TMEM131L: variants seen among roughly 807,000 people sequenced by gnomAD.
TMEM131L encodes transmembrane protein 131-like.
In TMEM131L, 54 loss-of-function variants were observed where a neutral mutation model predicts 192.2. The ratio of observed to expected loss-of-function variants is 0.28; its 90% confidence interval spans 0.23 to 0.35. The LOEUF is 0.35. Ranked by LOEUF, TMEM131L falls within the 10% of genes least tolerant of loss-of-function variation. TMEM131L has a pLI of 1.00. For missense variants in TMEM131L, 1,888 were observed against 1,972.9 expected (o/e 0.96, Z 0.82); for synonymous variants, 701 against 704.9 (o/e 0.99, Z 0.09).
rs141370539 is a variant in TMEM131L at position 153,516,792 on chromosome 4, G to C, written c.240-33281G>C. Reference sequence around the variant, plus strand: ...ACGAGCCTCCCAGCACTAGGTACCAGTACTTTTTGTTCATCTTTTAAATTT... The same window carrying C: ...ACGAGCCTCCCAGCACTAGGTACCACTACTTTTTGTTCATCTTTTAAATTT... On this transcript the variant is annotated intron_variant, in intron 3 of 34. Transcript: ENST00000409959. Among the ~76,000 whole-genome samples, 602 of 152,130 alleles carry C rather than the reference G, an allele frequency of 4.0e-3. 6 individuals carry two copies. Among genetic ancestry groups the C allele is most frequent in the African/African-American group, 0.014 (582 of 41,506 alleles).
chr4:153,470,870 A>C (rs540499135), intron 2 of TMEM131L, among the ~76,000 whole-genome samples: 40 of 152,200 alleles, frequency 2.6e-4, no homozygotes, highest in Non-Finnish European at 4.7e-4. Flanking sequence ...GAATTAATGA[A>C]TGCAACAGCC....
At chr4:153,536,782 A>G (rs1356104799) in intron 3 of TMEM131L, among the ~76,000 whole-genome samples, 1 of 143,532 alleles carries the variant, frequency 7.0e-6, no homozygotes, top group Non-Finnish European at 1.5e-5. Context: ...ACAAAGTATT[A>G]AACTCACCCG....
At chr4:153,484,771 G>A (rs1732197395) in intron 3 of TMEM131L, among the ~76,000 whole-genome samples, 1 of 146,260 alleles carries the variant, frequency 6.8e-6, no homozygotes, top group African/African-American at 2.5e-5. Flanking sequence ...CCCGGCCATA[G>A]GGATGTAGTT....
At chr4:153,478,563 C>T (rs949804622) in intron 3 of TMEM131L, among the ~76,000 whole-genome samples, 15 of 152,128 alleles carry the variant, frequency 9.9e-5, no homozygotes, top group Non-Finnish European at 2.1e-4. Context: ...GAGCTAAACT[C>T]CACACTTTAT....
intron 3 of TMEM131L, among the ~76,000 whole-genome samples, chr4:153,511,165 T>G (rs1225864444): frequency 1.3e-5 from 2 of 152,160 alleles, no homozygotes; most frequent in African/African-American, 4.8e-5. Flanking sequence ...TGTTCTATCA[T>G]AAAGACACAT....
intron 32 of TMEM131L, among the ~76,000 whole-genome samples, chr4:153,633,604 C>CT (rs1734375359): frequency 6.6e-6 from 1 of 152,026 alleles, no homozygotes; most frequent in Non-Finnish European, 1.5e-5. Flanking sequence ...CTCAAATTTG[C>CT]TATTTGACAT....
Position 153,585,450 on chromosome 4 carries a change from G to T in TMEM131L, c.1158-8G>T, listed in dbSNP as rs759166092. On this transcript the variant is annotated splice_polypyrimidine_tract_variant and splice_region_variant and intron_variant, in intron 12 of 34. Transcript: ENST00000409959. Reference sequence around the variant, plus strand: ...AGGCCTGATAGCATGCATGTCGTCTGTTCACAGGTATTTTAGAATGGACTC... The same window carrying T: ...AGGCCTGATAGCATGCATGTCGTCTTTTCACAGGTATTTTAGAATGGACTC... The T allele has an allele frequency of 6.2e-7, 1 of 1,613,460 alleles. No homozygotes were observed. Among genetic ancestry groups the T allele is most frequent in the Non-Finnish European group, 8.5e-7 (1 of 1,179,728 alleles).
chr4:153,583,637 C>T lies in TMEM131L; in HGVS notation c.1025C>T (p.Thr342Ile). The change falls in exon 11 of 35, where the codon ACA becomes ATA. Residue 342 changes from threonine (T) to isoleucine (I), a missense_variant. Coordinates refer to ENST00000409959, the MANE Select transcript of TMEM131L (RefSeq NM_001131007.2). ...FEPVLLPTSTTNFTKIASFTC... is the reference protein window; with the variant it reads ...FEPVLLPTSTINFTKIASFTC... ...CCAGTACTACTACCTACTTCTACAA[C>T]AAACTTTACAAAAATTGCTTCTTTT... 1.2e-6 allele frequency: 2 copies of T among 1,606,256 alleles called. No individual in the cohort carries two copies. The highest frequency in any genetic ancestry group is 1.7e-6 in the Non-Finnish European group (2 of 1,176,994).
intron 31 of TMEM131L, among the ~76,000 whole-genome samples, chr4:153,629,684 C>T (rs1195413913): frequency 6.6e-6 from 1 of 152,158 alleles, no homozygotes; most frequent in Non-Finnish European, 1.5e-5. Flanking sequence ...GTCGGGGTCC[C>T]TGGTGATTTG....
chr4:153,500,741 C>G (rs1476448086), intron 3 of TMEM131L, among the ~76,000 whole-genome samples: 1 of 152,124 alleles, frequency 6.6e-6, no homozygotes, highest in Non-Finnish European at 1.5e-5. Flanking sequence ...CCTTGTTAAG[C>G]TTTATCTGGA....
intron 3 of TMEM131L, among the ~76,000 whole-genome samples, chr4:153,521,992 A>G (rs1287720562): frequency 6.6e-6 from 1 of 151,760 alleles, no homozygotes; most frequent in Non-Finnish European, 1.5e-5. Flanking sequence ...AACTTTTGTT[A>G]TTTTGGTGTA....
intron 3 of TMEM131L, among the ~76,000 whole-genome samples, chr4:153,484,855 C>G (rs1223809721): frequency 6.8e-6 from 1 of 148,026 alleles, no homozygotes; most frequent in Non-Finnish European, 1.5e-5. Context: ...TGCAGTGGCT[C>G]ACGCCTGTAA....
intron 3 of TMEM131L, among the ~76,000 whole-genome samples, chr4:153,531,243 C>T (rs959719759): frequency 3.9e-5 from 6 of 152,138 alleles, no homozygotes; most frequent in African/African-American, 7.2e-5. Flanking sequence ...AATTCTGATA[C>T]GGGGGAAGTG....
In TMEM131L at chr4:153,603,466, T is replaced by C. The variant is rs187859842; in HGVS notation, c.2789+14T>C. 3.8e-3 allele frequency: 6,170 copies of C among 1,610,848 alleles called. 53 individuals carry two copies. The highest frequency in any genetic ancestry group is 3.2e-3 in the Non-Finnish European group (3,788 of 1,178,640). On this transcript the variant is annotated intron_variant, in intron 24 of 34. Coordinates refer to ENST00000409959, the MANE Select transcript of TMEM131L (RefSeq NM_001131007.2). ...CCATTCTTACAAGTAAGAATTCTTA[T>C]AGTGTGGTTGGGAGCGGGGGCGGTT...
chr4:153,622,789 G>A, intron 28 of TMEM131L, 109 bp from the exon 29 acceptor site: 2 of 1,009,614 alleles, frequency 2.0e-6, no homozygotes, highest in Non-Finnish European at 3.1e-6. Flanking sequence ...AGCAGAGGTA[G>A]CTGAAGGTGA....
At position 153,555,844 on chromosome 4, in the gene TMEM131L, C is replaced by T. The variant is rs995239504; in HGVS notation, c.366C>T (p.Ser122=). 20 of 1,551,270 alleles carry T rather than the reference C, an allele frequency of 1.3e-5. No homozygotes were observed. In the East Asian group the frequency reaches 2.4e-4, roughly 19 times the overall value. The change falls in exon 5 of 35, where the codon AGC becomes AGT. Residue 122 remains serine (S), a synonymous_variant. Transcript: ENST00000409959. The surrounding 1 kb of genome is among the most constrained non-coding windows in gnomAD (Gnocchi z 4.1). ...ATGCTTACAACCCTAGTAGGGACAGCGAGGTTGTGGTGAATTCAGTGTTTG... is the reference window on the plus strand; with the variant it reads ...ATGCTTACAACCCTAGTAGGGACAGTGAGGTTGTGGTGAATTCAGTGTTTG... ...ILHAYNPSRD[S]EVVVNSVFAA...
intron 27 of TMEM131L, 120 bp from the exon 28 acceptor site, chr4:153,621,563 G>C: frequency 1.1e-6 from 1 of 899,298 alleles, no homozygotes; most frequent in Non-Finnish European, 1.7e-6. Context: ...CCAAAGAGAG[G>C]AGGACTCCTA....
At chr4:153,617,499 T>C (rs1179907100) in intron 26 of TMEM131L, among the ~76,000 whole-genome samples, 1 of 152,208 alleles carries the variant, frequency 6.6e-6, no homozygotes, top group Non-Finnish European at 1.5e-5. Context: ...TTGCAAAATC[T>C]TAGTCAGTGT....
intron 12 of TMEM131L, 45 bp downstream of exon 12, chr4:153,584,976 G>A (rs945261886): frequency 7.2e-7 from 1 of 1,397,500 alleles, no homozygotes; most frequent in Non-Finnish European, 1.0e-6. Context: ...GGTTGTTGTT[G>A]TTGTTTTCCC....
Sources: gnomAD v4.1 joint callset for allele counts (sites outside exome capture counted in the v4.1 genomes callset) on GRCh38, gnomAD v4.1.1 for gene constraint, Gnocchi (gnomAD v3.1) non-coding constraint, MANE v1.5 for transcripts, NCBI Gene and HGNC (gene_info 2026-07-23, HGNC 2026-07-21) for gene names.